Variants in NOVA1 observed in about 807,000 individuals in gnomAD.
The protein encoded by NOVA1 is NOVA alternative splicing regulator 1.
In NOVA1, 7 loss-of-function variants were observed where a neutral mutation model predicts 38.0. The ratio of observed to expected loss-of-function variants is 0.18; its 90% CI spans 0.10 to 0.35. NOVA1 has a LOEUF of 0.35. Among genes scored for constraint, NOVA1 ranks in the 10% least tolerant of loss-of-function variants. The probability of loss-of-function intolerance (pLI) is 1.00; values close to 1 mark genes in which losing one functional copy is unlikely to be tolerated. For synonymous variants in NOVA1, 270 were observed against 232.5 expected, an observed-to-expected ratio of 1.16 and a Z score of -1.47; for missense variants, 460 against 616.0, an observed-to-expected ratio of 0.75 and a Z score of 2.68.
chr14:26,479,265 G>A (rs917875380), intron 3 of NOVA1: 2 of 151,974 alleles, frequency 1.3e-5, no homozygotes, highest in African/African-American at 4.8e-5. Flanking sequence ...AGAGTTTACG[G>A]TGGAAGAATC....
rs1673467264 is a variant in NOVA1, at chr14:26,444,959, A to C, written c.*3000T>G. The C allele has an allele frequency of 6.6e-6, 1 of 152,202 alleles. No homozygotes were observed. The highest frequency in any genetic ancestry group is 2.4e-5 in the African/African-American group (1 of 41,460). 9.4% of individuals were successfully genotyped at this position (152,202 alleles called of 1,614,324 possible). A position where few individuals can be genotyped will look rare whatever the true frequency, so the allele number is the denominator to read the frequency against. On this transcript the variant is annotated 3_prime_UTR_variant, in exon 5 of 5. Coordinates refer to ENST00000539517, the MANE Select transcript of NOVA1 (RefSeq NM_002515.3). ...TTGAGGAAAAGATCTTGGATCTAGA[A>C]TGAGGTGTCCAATCTGTATGATAAA...
chr14:26,597,537 G>A lies in NOVA1; in HGVS notation c.-101C>T, dbSNP rs1894285778. On this transcript the variant is annotated 5_prime_UTR_variant, in exon 1 of 5. Coordinates refer to ENST00000539517, the MANE Select transcript of NOVA1 (RefSeq NM_002515.3). ...TTTTTTTTTTTTTTTTTTGCGTTTG[G>A]GGTTTCTTAAGGTTTTTTTTTTTTA... The A allele has an allele frequency of 1.5e-5, 16 of 1,075,964 alleles. No homozygotes were observed. The highest frequency in any genetic ancestry group is 1.8e-5 in the Non-Finnish European group (16 of 880,958). The allele number at this position is 1,075,964 out of a possible 1,614,324, so 66.7% of individuals were successfully genotyped here.
At chr14:26,483,434 A>G (rs1276261454) in intron 2 of NOVA1, among the ~76,000 whole-genome samples, 1 of 152,208 alleles carries the variant, frequency 6.6e-6, no homozygotes, top group Non-Finnish European at 1.5e-5. Context: ...ATAGAGTTAG[A>G]AAATTACTCT....
intron 1 of NOVA1, chr14:26,596,740 T>A: frequency 7.9e-7 from 1 of 1,267,446 alleles, no homozygotes; most frequent in South Asian, 1.3e-5. Context: ...GACAAATCAA[T>A]GAAATATTTG....
At chr14:26,574,502 C>T (rs111308129) in intron 2 of NOVA1, among the ~76,000 whole-genome samples, 14 of 151,998 alleles carry the variant, frequency 9.2e-5, no homozygotes, top group African/African-American at 3.4e-4. Flanking sequence ...CCCATATATC[C>T]TTCTCTCCCA....
chr14:26,463,273 T>C (rs1406277530), intron 4 of NOVA1, among the ~76,000 whole-genome samples: 1 of 152,202 alleles, frequency 6.6e-6, no homozygotes, highest in African/African-American at 2.4e-5. Context: ...GTAGCATTTC[T>C]TGTATCAACA....
intron 2 of NOVA1, among the ~76,000 whole-genome samples, chr14:26,498,127 T>G (rs956871376): frequency 2.0e-5 from 3 of 152,162 alleles, no homozygotes; most frequent in African/African-American, 7.2e-5. Context: ...TGGTGCGATC[T>G]CAGCTCACTG....
intron 3 of NOVA1, among the ~76,000 whole-genome samples, chr14:26,475,226 C>G (rs912323699): frequency 1.3e-5 from 2 of 151,948 alleles, no homozygotes; most frequent in African/African-American, 4.8e-5. Context: ...CAGACAGGGT[C>G]TCGCTTTGTT....
At chr14:26,508,258 T>C (rs1237827392) in intron 2 of NOVA1, among the ~76,000 whole-genome samples, 1 of 152,032 alleles carries the variant, frequency 6.6e-6, no homozygotes, top group African/African-American at 2.4e-5. Context: ...AGATTGAGCA[T>C]AAAGTAAAAT....
chr14:26,470,422 A>G, intron 4 of NOVA1: 13 of 1,529,134 alleles, frequency 8.5e-6, no homozygotes, highest in Non-Finnish European at 1.1e-5. Flanking sequence ...AATTCTTTCA[A>G]TGAATTACGG....
chr14:26,569,341 T>C (rs965383331), intron 2 of NOVA1, among the ~76,000 whole-genome samples: 1 of 152,260 alleles, frequency 6.6e-6, no homozygotes, highest in Non-Finnish European at 1.5e-5. Context: ...TATCATAATG[T>C]ATTTTAATTC....
chr14:26,519,879 A>C (rs1397333577), intron 2 of NOVA1, among the ~76,000 whole-genome samples: 2 of 152,128 alleles, frequency 1.3e-5, no homozygotes, highest in Non-Finnish European at 2.9e-5. Flanking sequence ...CACAGAAAAA[A>C]GTTATGTTAA....
chr14:26,579,769 T>G (rs1001265429), intron 2 of NOVA1, among the ~76,000 whole-genome samples: 1 of 152,188 alleles, frequency 6.6e-6, no homozygotes, highest in African/African-American at 2.4e-5. Context: ...GAAAGATACG[T>G]TTAGTAGAAT....
intron 2 of NOVA1, among the ~76,000 whole-genome samples, chr14:26,503,013 T>G (rs1887354629): frequency 6.6e-6 from 1 of 152,082 alleles, no homozygotes; most frequent in African/African-American, 2.4e-5. Flanking sequence ...TTGTTTTCCT[T>G]TAGTCTCCTA....
intron 2 of NOVA1, among the ~76,000 whole-genome samples, chr14:26,534,052 G>C (rs1348481600): frequency 6.6e-6 from 1 of 152,142 alleles, no homozygotes; most frequent in Non-Finnish European, 1.5e-5. Context: ...AGGAAAAATA[G>C]AATGTCTTTA....
At chr14:26,556,500 C>G (rs1210531757) in intron 2 of NOVA1, among the ~76,000 whole-genome samples, 1 of 152,074 alleles carries the variant, frequency 6.6e-6, no homozygotes, top group Non-Finnish European at 1.5e-5. Context: ...AAATCATAAA[C>G]CTTTCACAAA....
chr14:26,561,004 G>T (rs374718856), intron 2 of NOVA1, among the ~76,000 whole-genome samples: 2 of 152,144 alleles, frequency 1.3e-5, no homozygotes, highest in South Asian at 2.1e-4. Context: ...ATGGTTTTGG[G>T]ATGAAACTGT....
At chr14:26,597,208 A>C in intron 1 of NOVA1, 93 bp downstream of exon 1, 1 of 743,960 alleles carries the variant, frequency 1.3e-6, no homozygotes, top group Non-Finnish European at 1.7e-6. Flanking sequence ...CGCGGGAGGG[A>C]GGGAGGGAAG....
intron 2 of NOVA1, among the ~76,000 whole-genome samples, chr14:26,539,890 T>C (rs1432162840): frequency 1.3e-5 from 2 of 151,976 alleles, no homozygotes; most frequent in African/African-American, 2.4e-5. Flanking sequence ...ACAAGCTATC[T>C]CTAAAGTTCT....
Sources: gnomAD v4.1 joint callset for allele counts (sites outside exome capture counted in the v4.1 genomes callset) on GRCh38, gnomAD v4.1.1 for gene constraint, MANE v1.5 for transcripts, NCBI Gene and HGNC (gene_info 2026-07-23, HGNC 2026-07-21) for gene names.